KANK1: variants seen among roughly 807,000 people sequenced by gnomAD.
KANK1 encodes KN motif and ankyrin repeat domains 1.
A neutral mutation model predicts 106.2 loss-of-function variants in KANK1; 109 were observed. The observed-to-expected ratio is 1.03, with a 90% CI of 0.88 to 1.20. The LOEUF (loss-of-function observed/expected upper bound fraction) is 1.20. Among genes scored for constraint, KANK1 ranks in the 50% most tolerant of loss-of-function variants. The pLI, the probability that KANK1 is intolerant of heterozygous loss-of-function variation, is 0.00. For synonymous variants in KANK1, 873 were observed against 652.2 expected (o/e 1.34, Z -5.16); for missense variants, 2,399 against 1,710.7 (o/e 1.40, Z -7.10).
intron 3 of KANK1, among the ~76,000 whole-genome samples, chr9:490,793 CTA>C (rs921722098): frequency 2.0e-5 from 3 of 152,048 alleles, no homozygotes; most frequent in African/African-American, 7.3e-5. Flanking sequence ...GTGCCAGGGA[CTA>C]TGAGTAAACA....
chr9:723,358 G>GGAAA (rs1829849780), intron 3 of KANK1, among the ~76,000 whole-genome samples: 1 of 152,168 alleles, frequency 6.6e-6, no homozygotes, highest in Non-Finnish European at 1.5e-5. Context: ...AGGGGTGGGA[G>GGAAA]GAAAGGCTTA....
chr9:708,725 A>C (rs900163300), intron 2 of KANK1, among the ~76,000 whole-genome samples: 3 of 152,122 alleles, frequency 2.0e-5, no homozygotes, highest in African/African-American at 7.2e-5. Context: ...GCTGGAAGTT[A>C]CTTCAAACTG....
intron 1 of KANK1, among the ~76,000 whole-genome samples, chr9:586,725 A>T (rs1455863854): frequency 6.6e-6 from 1 of 152,188 alleles, no homozygotes; most frequent in East Asian, 1.9e-4. Flanking sequence ...ACAGAACAGA[A>T]GGTGGAAAGC....
chr9:578,528 A>G (rs1821203712), intron 1 of KANK1, among the ~76,000 whole-genome samples: 1 of 152,096 alleles, frequency 6.6e-6, no homozygotes, highest in African/African-American at 2.4e-5. Context: ...TAAAAACTAA[A>G]TATATCTATT....
At chr9:573,386 C>T (rs931660858) in intron 1 of KANK1, among the ~76,000 whole-genome samples, 3 of 152,136 alleles carry the variant, frequency 2.0e-5, no homozygotes, top group African/African-American at 7.2e-5. Flanking sequence ...TCTCTTGCCT[C>T]AGCTTCCCGA....
chr9:597,696 C>T (rs933787642), intron 1 of KANK1, among the ~76,000 whole-genome samples: 1 of 150,890 alleles, frequency 6.6e-6, no homozygotes, highest in Non-Finnish European at 1.5e-5. Flanking sequence ...CAGAGTCTTG[C>T]TCTGTTGCCC....
intron 1 of KANK1, among the ~76,000 whole-genome samples, chr9:569,384 CATGGATTA>C (rs1818612740): frequency 2.0e-5 from 3 of 151,900 alleles, no homozygotes; most frequent in African/African-American, 7.3e-5. Context: ...TTAATCCATT[CATGGATTA>C]ATGGATTAAT....
At chr9:564,169 C>T (rs933503115) in intron 1 of KANK1, among the ~76,000 whole-genome samples, 2 of 151,856 alleles carry the variant, frequency 1.3e-5, no homozygotes, top group African/African-American at 4.8e-5. Context: ...ACGCCATTCT[C>T]CTGCCTCAGC....
chr9:643,985 G>T (rs1050440295), intron 1 of KANK1, among the ~76,000 whole-genome samples: 2 of 151,036 alleles, frequency 1.3e-5, no homozygotes, highest in African/African-American at 5.0e-5. Flanking sequence ...TTACAGGCGT[G>T]AGCTGCCACG....
rs1375763072 is a variant in KANK1 at position 738,492 on chromosome 9, C to G, written c.3541C>G (p.Leu1181Val). Residue 1181 changes from leucine to valine, a missense_variant, in exon 8 of 12, where the codon CTG becomes GTG. By Grantham distance (32) the Leu-to-Val change is conservative. Coordinates refer to ENST00000382297, the MANE Select transcript of KANK1 (RefSeq NM_015158.5). The part of the protein sequence containing the change: ...SHSNFEIVKL[L>V]LDADVCNVDH... The stretch of plus-strand genomic sequence containing the variant: ...CTCCAACTTCGAGATTGTGAAGCTG[C>G]TGTTAGATGCCGGTATGTTGGCTGC... The G allele has an allele frequency of 1.1e-5, 17 of 1,613,542 alleles. No homozygotes were observed. The highest frequency in any genetic ancestry group is 1.2e-5 in the Non-Finnish European group (14 of 1,179,528).
At chr9:556,900 A>G (rs924668507) in intron 1 of KANK1, among the ~76,000 whole-genome samples, 1 of 152,114 alleles carries the variant, frequency 6.6e-6, no homozygotes, top group Non-Finnish European at 1.5e-5. Context: ...CAGTATGGGG[A>G]CTTTGGACTC....
At chr9:717,954 G>A (rs1210911729) in intron 3 of KANK1, among the ~76,000 whole-genome samples, 3 of 151,786 alleles carry the variant, frequency 2.0e-5, no homozygotes, top group Admixed American at 6.5e-5. Context: ...ATCAGCTTCC[G>A]TATTTATACT....
At chr9:719,497 T>C (rs1017054143) in intron 3 of KANK1, among the ~76,000 whole-genome samples, 3 of 152,208 alleles carry the variant, frequency 2.0e-5, no homozygotes, top group African/African-American at 2.4e-5. Flanking sequence ...TCTTCTTTTT[T>C]GTGTTTTCAG....
At chr9:643,543 ATTTT>A (rs774468238) in intron 1 of KANK1, among the ~76,000 whole-genome samples, 11 of 102,446 alleles carry the variant, frequency 1.1e-4, no homozygotes, top group Admixed American at 9.4e-4. Flanking sequence ...TTTCTTTTTG[ATTTT>A]TTTTTTTTTT....
At chr9:741,020 G>A (rs1835339644) in intron 9 of KANK1, 86 bp downstream of exon 9, 2 of 1,460,294 alleles carry the variant, frequency 1.4e-6, no homozygotes, top group African/African-American at 2.8e-5. Flanking sequence ...AGCAGGCATA[G>A]ATGCCACGCT....
Position 539,233 on chromosome 9 carries a change from G to A in KANK1, c.-84+34479G>A, listed in dbSNP as rs376927707. Among the ~76,000 whole-genome samples the A allele has an allele frequency of 2.0e-5, 3 of 152,064 alleles. No homozygotes were observed. The East Asian group carries it at 5.8e-4, about 29-fold the overall frequency. On this transcript the variant is annotated intron_variant, in intron 1 of 11. Transcript: ENST00000382297. ...GCATGTTTTTGCTCAAGAACGCTTT[G>A]GCTGTTTGGGGCATTTTGTAGTTCC... is the stretch of plus-strand genomic sequence containing the variant.
At position 712,962 on chromosome 9, in the gene KANK1, G is replaced by C; in HGVS notation, c.2196G>C (p.Lys732Asn). The change falls in exon 3 of 12, where the codon AAG becomes AAC. Residue 732 changes from lysine (K) to asparagine (N), a missense_variant. Lys to Asn is a moderately conservative substitution (Grantham distance 94). Transcript: ENST00000382297. ...TCAAGGACATCAACTCCTCCACCAA[G>C]ACGCGGTCCATTGGTGTTGGAACGT... ...GRVKDINSST[K>N]TRSIGVGTLL... 6.2e-7 allele frequency: 1 copy of C among 1,614,228 alleles called. No individual in the cohort carries two copies. Among genetic ancestry groups the C allele is most frequent in the Non-Finnish European group, 8.5e-7 (1 of 1,180,044 alleles).
At chr9:666,036 C>T in intron 1 of KANK1, among the ~76,000 whole-genome samples, 1 of 152,158 alleles carries the variant, frequency 6.6e-6, no homozygotes, top group South Asian at 2.1e-4. Flanking sequence ...AAAATATTAG[C>T]CAGACGTGGT....
At position 568,517 on chromosome 9, in the gene KANK1, C is replaced by T. The variant is rs559726926; in HGVS notation, c.-84+63763C>T. On this transcript the variant is annotated intron_variant, in intron 1 of 11. Coordinates refer to ENST00000382297, the MANE Select transcript of KANK1 (RefSeq NM_015158.5). ...CCAGGCTGGAGTGCAGTGGCATGAT[C>T]GTCACTCTGTTGCCCAGGTTGGAGT... Among the ~76,000 whole-genome samples the T allele has an allele frequency of 1.3e-4, 20 of 152,204 alleles. No individual in the cohort carries two copies. In the South Asian group the frequency reaches 3.7e-3, roughly 28 times the overall value.
Sources: gnomAD v4.1 joint callset for allele counts (sites outside exome capture counted in the v4.1 genomes callset) on GRCh38, gnomAD v4.1.1 for gene constraint, MANE v1.5 for transcripts, NCBI Gene and HGNC (gene_info 2026-07-23, HGNC 2026-07-21) for gene names.